ANAPC4: variants seen among roughly 807,000 people sequenced by gnomAD.
ANAPC4 encodes the protein anaphase-promoting complex subunit 4.
Under a neutral mutation model 119.8 loss-of-function variants are expected in ANAPC4, and 63 were observed. The observed-to-expected ratio is 0.53, with a 90% confidence interval of 0.43 to 0.65. The LOEUF (loss-of-function observed/expected upper bound fraction) is 0.65, where lower values mean the gene tolerates loss of function less well. Ranked by LOEUF, ANAPC4 falls within the 30% of genes least tolerant of loss-of-function variation. The pLI, the probability that ANAPC4 is intolerant of heterozygous loss-of-function variation, is 0.00. For synonymous variants in ANAPC4, 283 were observed against 318.6 expected (o/e 0.89, Z 1.19); for missense variants, 716 against 945.1 (o/e 0.76, Z 3.18).
At chr4:25,410,290 A>G (rs768550571) in intron 21 of ANAPC4, among the ~76,000 whole-genome samples, 4 of 152,244 alleles carry the variant, frequency 2.6e-5, no homozygotes, top group East Asian at 1.9e-4. Context: ...CATAATAGCA[A>G]CCATTAAATA....
chr4:25,399,962 G>A (rs747880663), intron 16 of ANAPC4, among the ~76,000 whole-genome samples: 1 of 152,162 alleles, frequency 6.6e-6, no homozygotes, highest in Non-Finnish European at 1.5e-5. Context: ...TGAGGGATTG[G>A]TTGACAGATG....
At chr4:25,400,270 A>G (rs1197926662) in intron 16 of ANAPC4, among the ~76,000 whole-genome samples, 1 of 151,582 alleles carries the variant, frequency 6.6e-6, no homozygotes, top group East Asian at 1.9e-4. Flanking sequence ...GAGAGAGGAG[A>G]GGCTATAAAG....
chr4:25,377,316 T>A lies in ANAPC4; in HGVS notation c.-39T>A. 5 of 1,439,130 alleles carry A rather than the reference T, an allele frequency of 3.5e-6. No homozygotes were observed. The highest frequency in any genetic ancestry group is 4.7e-6 in the Non-Finnish European group (5 of 1,071,374). The allele number at this position is 1,439,130 out of a possible 1,614,324, so 89.1% of individuals were successfully genotyped here. ...GGGAGGGGAGAGGCCACTGGGGCCG[T>A]GTTAGTCTGCCGGTGGGGACTCTTG... On this transcript the variant is annotated 5_prime_UTR_variant, in exon 1 of 29. Coordinates refer to ENST00000315368, the MANE Select transcript of ANAPC4 (RefSeq NM_013367.3).
intron 16 of ANAPC4, among the ~76,000 whole-genome samples, chr4:25,400,974 G>T (rs1577388861): frequency 6.6e-6 from 1 of 152,184 alleles, no homozygotes; most frequent in African/African-American, 2.4e-5. Context: ...TCTAAGGTCG[G>T]GTTGGAGGAC....
intron 3 of ANAPC4, among the ~76,000 whole-genome samples, chr4:25,381,871 C>T (rs547397405): frequency 1.2e-4 from 19 of 152,148 alleles, no homozygotes; most frequent in Non-Finnish European, 2.4e-4. Flanking sequence ...TGCTTGAACC[C>T]GGGAGGTGGA....
Position 25,415,543 on chromosome 4 carries a change from A to C in ANAPC4, c.1901+3A>C, listed in dbSNP as rs748328275. 2.5e-6 allele frequency: 4 copies of C among 1,611,402 alleles called. No homozygotes were observed. The South Asian group carries it at 3.3e-5, about 13-fold the overall frequency. Reference sequence around the variant, plus strand: ...ACAACAGAAAAAGTCAGAAGAAGGTAAGTCTTGAATCTTGTTTGGATGAAA... The same window carrying C: ...ACAACAGAAAAAGTCAGAAGAAGGTCAGTCTTGAATCTTGTTTGGATGAAA... On this transcript the variant is annotated splice_donor_region_variant and intron_variant, in intron 26 of 28. Coordinates refer to ENST00000315368, the MANE Select transcript of ANAPC4 (RefSeq NM_013367.3).
At chr4:25,393,312 T>C (rs1372271498) in intron 10 of ANAPC4, among the ~76,000 whole-genome samples, 3 of 152,182 alleles carry the variant, frequency 2.0e-5, no homozygotes, top group African/African-American at 7.2e-5. Context: ...AATGGAATGT[T>C]TCGTAGTTAA....
intron 20 of ANAPC4, among the ~76,000 whole-genome samples, chr4:25,408,695 T>A (rs1314088031): frequency 6.6e-6 from 1 of 151,998 alleles, no homozygotes. Flanking sequence ...TGTGGAGACC[T>A]GCCATGTTGC....
rs573056698 is a variant in ANAPC4 at position 25,414,480 on chromosome 4, G to A, written c.1700G>A (p.Arg567His). Residue 567 changes from arginine to histidine, a missense_variant, in exon 24 of 29, where the codon CGT (arginine) becomes CAT (histidine). Coordinates refer to ENST00000315368, the MANE Select transcript of ANAPC4 (RefSeq NM_013367.3). The stretch of plus-strand genomic sequence containing the variant: ...TTTTATTTTAGTGAGGATTCTACAC[G>A]TAGATTGTTCAAATTTCCTTTTCTG... The part of the protein sequence containing the change: ...YRDTRSEDST[R>H]RLFKFPFLWN... The A allele has an allele frequency of 1.4e-5, 23 of 1,599,802 alleles. No individual in the cohort carries two copies. In the South Asian group the frequency reaches 1.9e-4, roughly 13 times the overall value.
chr4:25,398,098 G>A (rs1722758628), intron 16 of ANAPC4, among the ~76,000 whole-genome samples: 1 of 152,104 alleles, frequency 6.6e-6, no homozygotes, highest in South Asian at 2.1e-4. Flanking sequence ...TTTTGTTCTA[G>A]AAATCTGTTT....
At chr4:25,411,569 T>C (rs1363407788) in intron 21 of ANAPC4, among the ~76,000 whole-genome samples, 6 of 152,186 alleles carry the variant, frequency 3.9e-5, no homozygotes, top group Non-Finnish European at 2.9e-5. Context: ...AAGTTGGTGC[T>C]CTGAAAGCTG....
chr4:25,390,627 C>G (rs1372660473), intron 8 of ANAPC4, among the ~76,000 whole-genome samples: 3 of 152,190 alleles, frequency 2.0e-5, no homozygotes, highest in Admixed American at 6.5e-5. Context: ...GACTCTTACA[C>G]TCGCAAAAGG....
In ANAPC4 at chr4:25,390,104, G is replaced by T; in HGVS notation, c.516-32G>T. On this transcript the variant is annotated intron_variant, in intron 7 of 28. Transcript: ENST00000315368. ...AATGCAATCATCTGTGTTGTTGATT[G>T]GTTCTCAGCTTGTTGCATTGTTTTT... 1.4e-6 allele frequency: 2 copies of T among 1,425,148 alleles called. 1 individual carries two copies. Among genetic ancestry groups the T allele is most frequent in the South Asian group, 2.4e-5 (2 of 84,460 alleles). 88.3% of individuals were successfully genotyped at this position (1,425,148 alleles called of 1,614,324 possible).
In ANAPC4 at chr4:25,377,376, G is replaced by T. The variant is rs373120156; in HGVS notation, c.-11+32G>T. 7.5e-6 allele frequency: 12 copies of T among 1,604,626 alleles called. No individual in the cohort carries two copies. The African/African-American group carries it at 1.5e-4, about 20-fold the overall frequency. ...GCGCGGTCGGGGCTCCTCGTGGAGA[G>T]CCGGGGGCTCCTGCCGGCCTCTGAC... On this transcript the variant is annotated intron_variant, in intron 1 of 28. Coordinates refer to ENST00000315368, the MANE Select transcript of ANAPC4 (RefSeq NM_013367.3).
intron 16 of ANAPC4, among the ~76,000 whole-genome samples, chr4:25,401,355 G>A (rs1483482481): frequency 1.3e-5 from 2 of 152,180 alleles, no homozygotes; most frequent in Non-Finnish European, 2.9e-5. Flanking sequence ...TGGTGCCCAC[G>A]TGAAAGTGCC....
chr4:25,413,499 T>G, intron 21 of ANAPC4, 146 bp from the exon 22 acceptor site: 17 of 546,364 alleles, frequency 3.1e-5, no homozygotes, highest in Middle Eastern at 4.9e-4. Context: ...TTTAATGAGG[T>G]TGTGTGAAAA....
chr4:25,398,963 T>TTGGACA (rs1399622207), intron 16 of ANAPC4, among the ~76,000 whole-genome samples: 1 of 151,022 alleles, frequency 6.6e-6, no homozygotes, highest in Admixed American at 6.6e-5. Flanking sequence ...AGAGTTTGGT[T>TTGGACA]TGGACATACT....
Position 25,377,559 on chromosome 4 carries a change from G to C in ANAPC4, c.129+3G>C, listed in dbSNP as rs1721479081. On this transcript the variant is annotated splice_donor_region_variant and intron_variant, in intron 2 of 28. Transcript: ENST00000315368. Reference sequence around the variant, plus strand: ...CTTTGGCCAACACAGCTGGCGAGGTGAGTGAGCCGGCGGGAGCCCGCCTGT... The same window carrying C: ...CTTTGGCCAACACAGCTGGCGAGGTCAGTGAGCCGGCGGGAGCCCGCCTGT... 1.2e-6 allele frequency: 2 copies of C among 1,607,518 alleles called. No individual in the cohort carries two copies. Among genetic ancestry groups the C allele is most frequent in the African/African-American group, 2.7e-5 (2 of 75,038 alleles).
chr4:25,403,151 C>T, intron 17 of ANAPC4, 125 bp downstream of exon 17: 1 of 637,242 alleles, frequency 1.6e-6, no homozygotes, highest in Non-Finnish European at 2.4e-6. Context: ...ATAATGATCC[C>T]TGTTGTACCT....
Sources: allele counts gnomAD v4.1 joint callset (sites outside exome capture counted in the v4.1 genomes callset), GRCh38; gene constraint gnomAD v4.1.1; transcripts MANE v1.5; gene names NCBI Gene and HGNC (gene_info 2026-07-23, HGNC 2026-07-21).